ARHGAP45: variants seen among roughly 807,000 people sequenced by gnomAD.
The protein encoded by ARHGAP45 is Rho GTPase activating protein 45.
Under a neutral mutation model 116.1 loss-of-function variants are expected in ARHGAP45, and 56 were observed. The observed-to-expected ratio is 0.48, with a 90% CI of 0.39 to 0.60. The LOEUF is 0.60. Ranked by LOEUF, ARHGAP45 falls within the 20% of genes least tolerant of loss-of-function variation. The probability of loss-of-function intolerance (pLI) is 0.00; values close to 1 mark genes in which losing one functional copy is unlikely to be tolerated. For missense variants in ARHGAP45, 1,622 were observed against 1,601.0 expected, an observed-to-expected ratio of 1.01 and a Z score of -0.22; for synonymous variants, 866 against 701.7, an observed-to-expected ratio of 1.23 and a Z score of -3.70.
upstream of ARHGAP45, chr19:1,066,439 C>T (rs539556440): frequency 9.6e-5 from 47 of 489,680 alleles, no homozygotes; most frequent in African/African-American, 6.6e-4. Context: ...GCTTGGGAGG[C>T]GGGGCTGGGG....
chr19:1,081,332 G>C, intron 17 of ARHGAP45: 1 of 644,646 alleles, frequency 1.6e-6, no homozygotes, highest in Admixed American at 3.1e-5. Flanking sequence ...AAAGGCCCTG[G>C]AGCTGTGTCC....
rs1046667288 is a variant in ARHGAP45, at chr19:1,086,445, G to A, written c.*439G>A. ...GGGAGCCGTGGATGGGGGCGGAGCT[G>A]GGGTTTGGTGCAGTTTCCAGGGTGC... On this transcript the variant is annotated 3_prime_UTR_variant, in exon 23 of 23. Transcript: ENST00000313093. 1.2e-5 allele frequency: 2 copies of A among 173,038 alleles called. No homozygotes were observed. Among genetic ancestry groups the A allele is most frequent in the Non-Finnish European group, 2.5e-5 (2 of 79,940 alleles). The allele number at this position is 173,038 out of a possible 1,614,324, so 10.7% of individuals were successfully genotyped here. A position where few individuals can be genotyped will look rare whatever the true frequency, so the allele number is the denominator to read the frequency against.
chr19:1,085,902 A>G lies in ARHGAP45; in HGVS notation c.3307A>G (p.Asn1103Asp). The change falls in exon 23 of 23, where the codon AAC becomes GAC. Residue 1103 changes from asparagine to aspartate, a missense_variant. Asn to Asp is a conservative substitution (Grantham distance 23). Coordinates refer to ENST00000313093, the MANE Select transcript of ARHGAP45 (RefSeq NM_012292.5). The part of the protein sequence containing the change: ...PAQQLSGFNT[N>D]QSNNVLQAPL... The stretch of plus-strand genomic sequence containing the variant: ...CCAGCAGCTCTCAGGATTCAACACC[A>G]ACCAGTCCAACAACGTGCTGCAGGC... 1 of 1,612,848 alleles carries G rather than the reference A, an allele frequency of 6.2e-7. No individual in the cohort carries two copies. The highest frequency in any genetic ancestry group is 8.5e-7 in the Non-Finnish European group (1 of 1,179,932).
intron 21 of ARHGAP45, 67 bp downstream of exon 21, chr19:1,083,420 C>CA: frequency 7.3e-7 from 1 of 1,377,640 alleles, no homozygotes. Flanking sequence ...CTGCTGGGGA[C>CA]AGTCGTTGTC....
chr19:1,080,698 C>T lies in ARHGAP45; in HGVS notation c.1929C>T (p.Phe643=), dbSNP rs757710389. 7 of 1,613,426 alleles carry T rather than the reference C, an allele frequency of 4.3e-6. No homozygotes were observed. The highest frequency in any genetic ancestry group is 2.2e-5 in the East Asian group (1 of 44,876). Residue 643 remains phenylalanine, a synonymous_variant, in exon 16 of 23, where the codon TTC becomes TTT. Transcript: ENST00000313093. ...CCCGCCCAGGGGACTTTAAGAAGTT[C>T]GAGCGGACGTCATCCAGTGGTACCA... is the stretch of plus-strand genomic sequence containing the variant. ...PGPGAGDFKK[F]ERTSSSGTMS...
chr19:1,073,740 G>C lies in ARHGAP45; in HGVS notation c.717G>C (p.Ser239=). 1.9e-6 allele frequency: 3 copies of C among 1,589,126 alleles called. No individual in the cohort carries two copies. Among genetic ancestry groups the C allele is most frequent in the East Asian group, 2.3e-5 (1 of 43,662 alleles). ...STLLAVPPGD[S]SQSMESLYGP... ...TCCTAGCAGTGCCTCCTGGGGACTC[G>C]AGCCAGGTGAGTGGGGTGGGCCAGG... The change falls in exon 5 of 23, where the codon TCG becomes TCC. Residue 239 remains serine (S), a synonymous_variant. Coordinates refer to ENST00000313093, the MANE Select transcript of ARHGAP45 (RefSeq NM_012292.5).
chr19:1,074,420 C>A lies in ARHGAP45; in HGVS notation c.993+13C>A. On this transcript the variant is annotated intron_variant, in intron 8 of 22. Transcript: ENST00000313093. ...CGTCATGCAGGAGGTGGGGGCCCCG[C>A]GGGCACGGGGCGGGGGTCCCTGGGC... The A allele has an allele frequency of 6.6e-7, 1 of 1,524,866 alleles. No individual in the cohort carries two copies. The highest frequency in any genetic ancestry group is 8.8e-7 in the Non-Finnish European group (1 of 1,133,632). 94.5% of individuals were successfully genotyped at this position (1,524,866 alleles called of 1,614,324 possible). A position where few individuals can be genotyped will look rare whatever the true frequency, so the allele number is the denominator to read the frequency against.
intron 10 of ARHGAP45, 66 bp downstream of exon 10, chr19:1,074,945 C>T (rs2043212142): frequency 1.5e-6 from 2 of 1,371,276 alleles, no homozygotes; most frequent in Non-Finnish European, 1.9e-6. Flanking sequence ...CAGTCCCAGC[C>T]CCAGCCCCAT....
chr19:1,075,045 C>A (rs1251964230), intron 10 of ARHGAP45, among the ~76,000 whole-genome samples, 166 bp downstream of exon 10: 1 of 150,236 alleles, frequency 6.7e-6, no homozygotes, highest in East Asian at 2.0e-4. Context: ...CAACGCCAAG[C>A]CGGGTCGGAG....
At chr19:1,080,212 G>C in intron 13 of ARHGAP45, 43 bp from the exon 14 acceptor site, 2 of 1,610,920 alleles carry the variant, frequency 1.2e-6, no homozygotes, top group Non-Finnish European at 1.7e-6. Flanking sequence ...AAGCTGTCTT[G>C]CCCCCCATCA....
intron 10 of ARHGAP45, among the ~76,000 whole-genome samples, chr19:1,076,202 G>C (rs2043243914): frequency 6.6e-6 from 1 of 152,140 alleles, no homozygotes; most frequent in Admixed American, 6.6e-5. Context: ...GGGTCAAGGG[G>C]CGTGCGTGTA....
rs371795539 is a variant in ARHGAP45, at chr19:1,084,204, C to T, written c.2956-34C>T. ...ATTTATAACATGGAAAATGGAGCCC[C>T]GGCCCCTCTATGACTTCCGTTCTGC... On this transcript the variant is annotated intron_variant, in intron 21 of 22. Transcript: ENST00000313093. The T allele has an allele frequency of 5.1e-6, 8 of 1,578,778 alleles. No homozygotes were observed. In the African/African-American group the frequency reaches 5.4e-5, roughly 11 times the overall value.
rs778566096 is a variant in ARHGAP45 at position 1,074,143 on chromosome 19, G to A, written c.830G>A (p.Arg277His). The change falls in exon 7 of 23, where the codon CGC becomes CAC. Residue 277 changes from arginine (R) to histidine (H), a missense_variant. Arg to His is a conservative substitution (Grantham distance 29, BLOSUM62 0). Around this residue, in one of 3 missense-constraint regions of ARHGAP45, gnomAD observed 1,334 missense variants for 1,263.8 expected, o/e 1.06. Transcript: ENST00000313093. ...GAGGAGGTGGACGTGCTGCTACAGC[G>A]CTGTGAGGGGGGCGTGGATGCCGCA... is the stretch of plus-strand genomic sequence containing the variant. ...PAEEVDVLLQRCEGGVDAALL... is the reference protein window; with the variant it reads ...PAEEVDVLLQHCEGGVDAALL... 2.6e-5 allele frequency: 42 copies of A among 1,613,392 alleles called. No homozygotes were observed. The highest frequency in any genetic ancestry group is 1.7e-4 in the Middle Eastern group (1 of 6,056).
At chr19:1,075,602 C>T (rs866388594) in intron 10 of ARHGAP45, among the ~76,000 whole-genome samples, 1 of 151,826 alleles carries the variant, frequency 6.6e-6, no homozygotes, top group Non-Finnish European at 1.5e-5. Context: ...AAGACGCCGG[C>T]GCCTTTTTGT....
In ARHGAP45 at chr19:1,085,803, A is replaced by G. The variant is rs750028838; in HGVS notation, c.3208A>G (p.Ser1070Gly). The G allele has an allele frequency of 3.8e-5, 62 of 1,612,696 alleles. No individual in the cohort carries two copies. The highest frequency in any genetic ancestry group is 6.7e-5 in the Admixed American group (4 of 59,974). The change falls in exon 23 of 23, where the codon AGC (serine) becomes GGC (glycine). Residue 1070 changes from serine (S) to glycine (G), a missense_variant. By Grantham distance (56) the Ser-to-Gly change is moderately conservative. Coordinates refer to ENST00000313093, the MANE Select transcript of ARHGAP45 (RefSeq NM_012292.5). ...SEASLEVASG[S>G]HSGSEEQLEA... The stretch of plus-strand genomic sequence containing the variant: ...GGCCAGCCTAGAGGTGGCTTCTGGC[A>G]GCCACAGCGGCAGTGAGGAGCAGCT...
Position 1,076,481 on chromosome 19 carries a change from G to GTTTTTTTTTTTTTT in ARHGAP45, c.1186-1375_1186-1374insTTTTTTTTTTTTTT, listed in dbSNP as rs1568464614. ...TAGAAACCTGTGATTGTTGGCAGTA[G>GTTTTTTTTTTTTTT]TCTTTTTTTTTTTTTTTTTTTTTTT... On this transcript the variant is annotated intron_variant, in intron 10 of 22. Coordinates refer to ENST00000313093, the MANE Select transcript of ARHGAP45 (RefSeq NM_012292.5). Among the ~76,000 whole-genome samples, 36 of 104,164 alleles carry GTTTTTTTTTTTTTT rather than the reference G, an allele frequency of 3.5e-4. 1 individual carries two copies. Among genetic ancestry groups the GTTTTTTTTTTTTTT allele is most frequent in the African/African-American group, 1.3e-3 (32 of 25,336 alleles). 68.3% of individuals were successfully genotyped at this position (104,164 alleles called of 152,430 possible).
Position 1,080,324 on chromosome 19 carries a change from G to C in ARHGAP45, c.1773G>C (p.Gly591=), listed in dbSNP as rs760716827. 1.2e-6 allele frequency: 2 copies of C among 1,610,748 alleles called. No individual in the cohort carries two copies. Among genetic ancestry groups the C allele is most frequent in the East Asian group, 4.5e-5 (2 of 44,878 alleles). ...VSDVARPEAA[G]SPPEEGGCTE... Reference sequence around the variant, plus strand: ...ATGTGGCGCGGCCGGAGGCTGCCGGGAGCCCCCCAGAAGAAGGCGGGTGCA... The same window carrying C: ...ATGTGGCGCGGCCGGAGGCTGCCGGCAGCCCCCCAGAAGAAGGCGGGTGCA... Residue 591 remains glycine (G), a synonymous_variant, in exon 14 of 23, where the codon GGG becomes GGC. Coordinates refer to ENST00000313093, the MANE Select transcript of ARHGAP45 (RefSeq NM_012292.5).
At chr19:1,084,012 G>A (rs2145091455) in intron 21 of ARHGAP45, among the ~76,000 whole-genome samples, 1 of 152,246 alleles carries the variant, frequency 6.6e-6, no homozygotes, top group South Asian at 2.1e-4. Flanking sequence ...TGAAGTGCTG[G>A]GATTACAGGT....
Position 1,068,868 on chromosome 19 carries a change from G to A in ARHGAP45, c.421+124G>A. On this transcript the variant is annotated intron_variant, in intron 2 of 22. Coordinates refer to ENST00000313093, the MANE Select transcript of ARHGAP45 (RefSeq NM_012292.5). This position sits in a 1 kb window ranked among gnomAD's most constrained non-coding sequence, Gnocchi z 7.5. Reference sequence around the variant, plus strand: ...CTCAGATGGCAGGGAGGGCTGTGTGGAAGAGGCCATGACAGCTAAGGCTCT... The same window carrying A: ...CTCAGATGGCAGGGAGGGCTGTGTGAAAGAGGCCATGACAGCTAAGGCTCT... The A allele has an allele frequency of 1.1e-6, 1 of 917,554 alleles. No homozygotes were observed. Among genetic ancestry groups the A allele is most frequent in the Non-Finnish European group, 1.7e-6 (1 of 592,532 alleles). The allele number at this position is 917,554 out of a possible 1,614,324, so 56.8% of individuals were successfully genotyped here.
Sources: gnomAD v4.1 joint callset for allele counts (sites outside exome capture counted in the v4.1 genomes callset) on GRCh38, gnomAD v4.1.1 for gene constraint, gnomAD v4.1.1 regional missense constraint, Gnocchi (gnomAD v3.1) non-coding constraint, MANE v1.5 for transcripts, NCBI Gene and HGNC (gene_info 2026-07-23, HGNC 2026-07-21) for gene names.